The following GPATCH2L variants were observed in gnomAD, a reference collection of about 807,000 sequenced individuals.
The protein encoded by GPATCH2L is G-patch domain containing 2 like, also known as G patch domain-containing protein 2-like.
GPATCH2L carries 31 observed loss-of-function variants against 57.4 expected under a neutral mutation model. The ratio of observed to expected loss-of-function variants is 0.54; its 90% CI spans 0.41 to 0.73. The LOEUF is 0.73. Among genes scored for constraint, GPATCH2L ranks in the 30% least tolerant of loss-of-function variants. The probability of loss-of-function intolerance (pLI) is 0.00; values close to 1 mark genes in which losing one functional copy is unlikely to be tolerated. For missense variants in GPATCH2L, 481 were observed against 599.9 expected (o/e 0.80, Z 2.07); for synonymous variants, 199 against 210.7 (o/e 0.94, Z 0.48).
chr14:76,165,842 G>T (rs1298276703), intron 2 of GPATCH2L, among the ~76,000 whole-genome samples: 1 of 152,156 alleles, frequency 6.6e-6, no homozygotes, highest in African/African-American at 2.4e-5. Flanking sequence ...CTTCTTCCTT[G>T]CTTTGGTTTC....
Position 76,206,982 on chromosome 14 carries a change from A to C in GPATCH2L, c.*5131A>C, listed in dbSNP as rs1189380970. On this transcript the variant is annotated 3_prime_UTR_variant, in exon 10 of 10. Coordinates refer to ENST00000261530, the MANE Select transcript of GPATCH2L (RefSeq NM_017926.4). ...TTTTGAAGAATTGACAAAGGATGCT[A>C]TCAAGGGCTATGTTTAGGTGGATGG... 6.6e-6 allele frequency: 1 copy of C among 152,122 alleles called. No individual in the cohort carries two copies. The highest frequency in any genetic ancestry group is 2.4e-5 in the African/African-American group (1 of 41,414). 9.4% of individuals were successfully genotyped at this position (152,122 alleles called of 1,614,324 possible).
rs2040381271 is a variant in GPATCH2L at position 76,206,809 on chromosome 14, T to G, written c.*4958T>G. On this transcript the variant is annotated 3_prime_UTR_variant, in exon 10 of 10. Coordinates refer to ENST00000261530, the MANE Select transcript of GPATCH2L (RefSeq NM_017926.4). ...GCTTTGCCACGGTTAAAAAGATGTT[T>G]TAATGGACTGGTCTCCTCCTAAGCT... is the stretch of plus-strand genomic sequence containing the variant. 6.6e-6 allele frequency: 1 copy of G among 152,252 alleles called. No individual in the cohort carries two copies. The highest frequency in any genetic ancestry group is 2.4e-5 in the African/African-American group (1 of 41,456). The allele number at this position is 152,252 out of a possible 1,614,324, so 9.4% of individuals were successfully genotyped here.
chr14:76,181,669 C>T (rs577411735), intron 8 of GPATCH2L, among the ~76,000 whole-genome samples: 3 of 152,262 alleles, frequency 2.0e-5, no homozygotes, highest in East Asian at 1.9e-4. Flanking sequence ...ATTAGTCAAA[C>T]GAGTGACTCC....
At chr14:76,214,590 G>A, downstream of GPATCH2L, among the ~76,000 whole-genome samples, 1 of 152,162 alleles carries the variant, frequency 6.6e-6, no homozygotes, top group East Asian at 1.9e-4. Context: ...TCCTCACATG[G>A]TGAAGGGAAC....
At chr14:76,173,758 T>C in intron 5 of GPATCH2L, 133 bp downstream of exon 5, 1 of 654,314 alleles carries the variant, frequency 1.5e-6, no homozygotes, top group Non-Finnish European at 2.9e-6. Context: ...GTGTTGGGAG[T>C]TTACAAGAGT....
At chr14:76,219,696 G>A (rs2040505731) in intron 1 of GPATCH2L, among the ~76,000 whole-genome samples, 2 of 152,160 alleles carry the variant, frequency 1.3e-5, no homozygotes, top group Admixed American at 6.5e-5. Flanking sequence ...ACAGACCCAG[G>A]TGTCCTCCAG....
At position 76,171,963 on chromosome 14, in the gene GPATCH2L, G is replaced by A. The variant is rs778064543; in HGVS notation, c.848G>A (p.Gly283Glu). The A allele has an allele frequency of 1.2e-6, 2 of 1,612,828 alleles. No individual in the cohort carries two copies. Among genetic ancestry groups the A allele is most frequent in the Non-Finnish European group, 8.5e-7 (1 of 1,179,132 alleles). The change falls in exon 4 of 10, where the codon GGA (glycine) becomes GAA (glutamate). Residue 283 changes from glycine to glutamate, a missense_variant. Around this residue, in one of 3 missense-constraint regions of GPATCH2L, gnomAD observed 248 missense variants for 270.5 expected, o/e 0.92. Coordinates refer to ENST00000261530, the MANE Select transcript of GPATCH2L (RefSeq NM_017926.4). ...HCSEVERMDS[G>E]LDKFSDSTFL... ...TCTGAAGTAGAAAGAATGGATTCTGGATTGGATAAATTTTCAGATTCCACA... is the reference window on the plus strand; with the variant it reads ...TCTGAAGTAGAAAGAATGGATTCTGAATTGGATAAATTTTCAGATTCCACA...
Position 76,214,083 on chromosome 14 carries a change from C to T in GPATCH2L, c.*12232C>T, listed in dbSNP as rs1481179584. ...TGGCTATTCATACATGTTTGTTTTT[C>T]CATGTGAACTTTAGTATCAACTTGT... On this transcript the variant is annotated 3_prime_UTR_variant, in exon 10 of 10. Coordinates refer to ENST00000261530, the MANE Select transcript of GPATCH2L (RefSeq NM_017926.4). The T allele has an allele frequency of 6.6e-6, 1 of 152,034 alleles. No homozygotes were observed. The highest frequency in any genetic ancestry group is 1.5e-5 in the Non-Finnish European group (1 of 67,990). 9.4% of individuals were successfully genotyped at this position (152,034 alleles called of 1,614,324 possible). A position where few individuals can be genotyped will look rare whatever the true frequency, so the allele number is the denominator to read the frequency against.
chr14:76,222,480 A>G (rs935661200), intron 1 of GPATCH2L, among the ~76,000 whole-genome samples: 4 of 151,432 alleles, frequency 2.6e-5, no homozygotes, highest in African/African-American at 9.7e-5. Context: ...GGTGGCGTGC[A>G]CCTGTAATCC....
intron 9 of GPATCH2L, among the ~76,000 whole-genome samples, chr14:76,200,380 G>T (rs1187471215): frequency 6.6e-6 from 1 of 152,114 alleles, no homozygotes; most frequent in Non-Finnish European, 1.5e-5. Context: ...CTAGGGTAGT[G>T]CTTTTTTCAC....
chr14:76,165,924 T>C (rs1278376642), intron 2 of GPATCH2L, among the ~76,000 whole-genome samples: 1 of 152,150 alleles, frequency 6.6e-6, no homozygotes, highest in Non-Finnish European at 1.5e-5. Flanking sequence ...ATCAAAGAAA[T>C]AGCTAATACT....
chr14:76,171,901 C>T lies in GPATCH2L; in HGVS notation c.786C>T (p.Val262=). 2 of 1,609,184 alleles carry T rather than the reference C, an allele frequency of 1.2e-6. No individual in the cohort carries two copies. The highest frequency in any genetic ancestry group is 1.7e-6 in the Non-Finnish European group (2 of 1,176,048). ...GAGAATGTGTCCCAGGATTCACTGT[C>T]CCTAATCTTCTGCCCAAGTGGGCTC... ...YEGECVPGFT[V]PNLLPKWAPD... Residue 262 remains valine, a synonymous_variant, in exon 4 of 10, where the codon GTC becomes GTT. Coordinates refer to ENST00000261530, the MANE Select transcript of GPATCH2L (RefSeq NM_017926.4).
intron 5 of GPATCH2L, chr14:76,174,036 A>T (rs1349951880): frequency 3.6e-5 from 4 of 110,994 alleles, no homozygotes; most frequent in Non-Finnish European, 6.8e-5. Context: ...AGAATTCATT[A>T]AAAAAAAAAA....
chr14:76,159,503 C>T (rs2038471282), intron 2 of GPATCH2L, among the ~76,000 whole-genome samples: 1 of 152,056 alleles, frequency 6.6e-6, no homozygotes, highest in South Asian at 2.1e-4. Flanking sequence ...TGCAGAGCCC[C>T]TAGCCCAGTG....
At chr14:76,164,038 C>T (rs1346813628) in intron 2 of GPATCH2L, among the ~76,000 whole-genome samples, 3 of 152,148 alleles carry the variant, frequency 2.0e-5, no homozygotes, top group Admixed American at 2.0e-4. Context: ...ACCAGTTTGT[C>T]TGAAGGTCCG....
intron 2 of GPATCH2L, among the ~76,000 whole-genome samples, chr14:76,155,803 T>C (rs2038279307): frequency 6.6e-6 from 1 of 152,218 alleles, no homozygotes; most frequent in Non-Finnish European, 1.5e-5. Context: ...GAGGATGCCA[T>C]TGGTGTTTTG....
intron 8 of GPATCH2L, among the ~76,000 whole-genome samples, chr14:76,183,920 G>T (rs1227222286): frequency 6.6e-6 from 1 of 152,158 alleles, no homozygotes; most frequent in Non-Finnish European, 1.5e-5. Flanking sequence ...ACTGTTTCCA[G>T]TGGAAATTGT....
intron 8 of GPATCH2L, among the ~76,000 whole-genome samples, chr14:76,185,645 A>G (rs1020761003): frequency 6.6e-6 from 1 of 152,178 alleles, no homozygotes; most frequent in Middle Eastern, 3.2e-3. Context: ...TTGGTCAAGC[A>G]TTACCATTTT....
At chr14:76,232,502 G>A (rs546257122) in intron 2 of GPATCH2L, among the ~76,000 whole-genome samples, 25 of 152,236 alleles carry the variant, frequency 1.6e-4, no homozygotes, top group East Asian at 5.8e-4. Flanking sequence ...CGAGGTTAGC[G>A]GGAGCACAAT....
Sources: gnomAD v4.1 joint callset for allele counts (sites outside exome capture counted in the v4.1 genomes callset) on GRCh38, gnomAD v4.1.1 for gene constraint, gnomAD v4.1.1 regional missense constraint, MANE v1.5 for transcripts, NCBI Gene and HGNC (gene_info 2026-07-23, HGNC 2026-07-21) for gene names.